Variants in POU6F2 observed in about 807,000 individuals in gnomAD.
POU6F2 encodes POU class 6 homeobox 2.
A neutral mutation model predicts 71.3 loss-of-function variants in POU6F2; 31 were observed. That is an observed-to-expected ratio of 0.43 (90% CI 0.33 to 0.59). The LOEUF is 0.59. POU6F2 is among the 20% of genes least tolerant of loss of function. The pLI, the probability that POU6F2 is intolerant of heterozygous loss-of-function variation, is 0.04. For missense variants in POU6F2, 783 were observed against 856.8 expected, an observed-to-expected ratio of 0.91 and a Z score of 1.07; for synonymous variants, 347 against 355.7, an observed-to-expected ratio of 0.98 and a Z score of 0.27.
At chr7:39,081,940 C>T (rs1201382055) in intron 1 of POU6F2, among the ~76,000 whole-genome samples, 2 of 152,322 alleles carry the variant, frequency 1.3e-5, no homozygotes, top group East Asian at 3.9e-4. Flanking sequence ...TACCACTTAG[C>T]TGCGTGCCTT....
chr7:39,387,500 T>C (rs1346845981), intron 5 of POU6F2, among the ~76,000 whole-genome samples: 1 of 152,212 alleles, frequency 6.6e-6, no homozygotes, highest in Non-Finnish European at 1.5e-5. Flanking sequence ...CTCTAACAAA[T>C]ACACTAGTTT....
intron 4 of POU6F2, among the ~76,000 whole-genome samples, chr7:39,250,138 T>C (rs1285612888): frequency 1.3e-5 from 2 of 152,146 alleles, no homozygotes; most frequent in African/African-American, 2.4e-5. Flanking sequence ...CTCTCCTGCA[T>C]TTTCACGTGT....
chr7:39,393,596 A>G (rs1207524556), intron 5 of POU6F2, among the ~76,000 whole-genome samples: 1 of 152,208 alleles, frequency 6.6e-6, no homozygotes, highest in East Asian at 1.9e-4. Context: ...TCTAAGGTTC[A>G]GCGGCAGACC....
At chr7:39,294,118 A>C (rs999076283) in intron 4 of POU6F2, among the ~76,000 whole-genome samples, 1 of 151,908 alleles carries the variant, frequency 6.6e-6, no homozygotes, top group African/African-American at 2.4e-5. Context: ...CCTGTATTCA[A>C]ACTATGAGAA....
chr7:39,450,597 T>G (rs1462872752), intron 7 of POU6F2, among the ~76,000 whole-genome samples: 1 of 152,204 alleles, frequency 6.6e-6, no homozygotes, highest in African/African-American at 2.4e-5. Context: ...CAACAGTCCT[T>G]TGATAACCTG....
rs5883670 is a variant in POU6F2, at chr7:39,000,530, G to GACACACAC, written c.105+22501_105+22508dup. 5.8e-3 allele frequency among the ~76,000 whole-genome samples: 821 copies of GACACACAC among 141,238 alleles called. 7 individuals are homozygous for GACACACAC. Among genetic ancestry groups the GACACACAC allele is most frequent in the African/African-American group, 0.021 (785 of 38,246 alleles). 92.7% of individuals were successfully genotyped at this position (141,238 alleles called of 152,430 possible). On this transcript the variant is annotated intron_variant, in intron 1 of 9. Transcript: ENST00000518318. ...TCTCCATTTTCTCAACATACCCACA[G>GACACACAC]ACACACACACACACACACACACACA...
chr7:39,042,546 G>T (rs1388303869), intron 1 of POU6F2, among the ~76,000 whole-genome samples: 1 of 152,004 alleles, frequency 6.6e-6, no homozygotes, highest in Non-Finnish European at 1.5e-5. Context: ...TTGACATGTA[G>T]CATGAACAAG....
chr7:39,043,900 C>T (rs1280706141), intron 1 of POU6F2, among the ~76,000 whole-genome samples: 1 of 151,902 alleles, frequency 6.6e-6, no homozygotes, highest in East Asian at 1.9e-4. Flanking sequence ...TCCCATAATG[C>T]TCTCTGTTGC....
chr7:39,454,935 T>C (rs1788766336), intron 8 of POU6F2, among the ~76,000 whole-genome samples: 1 of 151,404 alleles, frequency 6.6e-6, no homozygotes, highest in Non-Finnish European at 1.5e-5. Flanking sequence ...ACCTTAGTAA[T>C]GATACAAGAT....
intron 2 of POU6F2, among the ~76,000 whole-genome samples, chr7:39,094,819 G>A (rs1791422710): frequency 6.6e-6 from 1 of 151,982 alleles, no homozygotes; most frequent in Non-Finnish European, 1.5e-5. Flanking sequence ...ATTGACCCAG[G>A]GTAAAGGAGA....
intron 1 of POU6F2, among the ~76,000 whole-genome samples, chr7:39,061,484 A>G (rs1209570916): frequency 6.6e-6 from 1 of 152,192 alleles, no homozygotes; most frequent in East Asian, 1.9e-4. Context: ...CCTATTTTGC[A>G]CTTTAAATGA....
chr7:39,227,830 T>C (rs952381639), intron 4 of POU6F2, among the ~76,000 whole-genome samples: 10 of 152,178 alleles, frequency 6.6e-5, no homozygotes, highest in African/African-American at 2.4e-4. Flanking sequence ...GTGCTGGGAT[T>C]ACAGGCATGA....
rs75853150 is a variant in POU6F2, at chr7:39,415,863, G to T, written c.1113+9123G>T. Among the ~76,000 whole-genome samples the T allele has an allele frequency of 1.5e-3, 227 of 152,222 alleles. 3 individuals carry two copies. The highest frequency in any genetic ancestry group is 9.6e-3 in the Admixed American group (147 of 15,292). ...TGAGCAAATTCTCAAGACATCAAGGGTTAAGTGACTCCCTGGGATAACATC... is the reference window on the plus strand; with the variant it reads ...TGAGCAAATTCTCAAGACATCAAGGTTTAAGTGACTCCCTGGGATAACATC... On this transcript the variant is annotated intron_variant, in intron 6 of 9. Coordinates refer to ENST00000518318, the MANE Select transcript of POU6F2 (RefSeq NM_001370959.1).
intron 5 of POU6F2, among the ~76,000 whole-genome samples, chr7:39,363,042 C>T (rs1047845731): frequency 2.0e-5 from 3 of 152,130 alleles, no homozygotes; most frequent in African/African-American, 4.8e-5. Context: ...GAATAAAACA[C>T]GAACACCCGT....
At chr7:39,222,221 A>G (rs912765951) in intron 4 of POU6F2, among the ~76,000 whole-genome samples, 14 of 152,194 alleles carry the variant, frequency 9.2e-5, no homozygotes, top group African/African-American at 3.1e-4. Flanking sequence ...TAATTCCACA[A>G]AGGGTATTTG....
intron 4 of POU6F2, among the ~76,000 whole-genome samples, chr7:39,327,067 C>T (rs1785516090): frequency 1.3e-5 from 2 of 152,110 alleles, no homozygotes; most frequent in Admixed American, 6.5e-5. Flanking sequence ...ATCACGAGGT[C>T]AGGAGATTGA....
At chr7:39,353,101 G>T (rs35380149) in intron 5 of POU6F2, among the ~76,000 whole-genome samples, 25,897 of 152,274 alleles carry the variant, frequency 0.17, 2,465 homozygotes, top group Admixed American at 0.24. Context: ...CCTGCAAGGA[G>T]GCAGGTGGAC....
chr7:39,282,257 A>T (rs1180999728), intron 4 of POU6F2, among the ~76,000 whole-genome samples: 3 of 151,992 alleles, frequency 2.0e-5, no homozygotes, highest in Non-Finnish European at 4.4e-5. Flanking sequence ...CACTCTGTTG[A>T]TTATTTCCTT....
At chr7:39,232,053 C>T (rs1043264770) in intron 4 of POU6F2, among the ~76,000 whole-genome samples, 1 of 152,086 alleles carries the variant, frequency 6.6e-6, no homozygotes, top group African/African-American at 2.4e-5. Flanking sequence ...CTATAATTTT[C>T]CCTGCATTTC....
Sources: gnomAD v4.1 joint callset for allele counts (sites outside exome capture counted in the v4.1 genomes callset) on GRCh38, gnomAD v4.1.1 for gene constraint, MANE v1.5 for transcripts, NCBI Gene and HGNC (gene_info 2026-07-23, HGNC 2026-07-21) for gene names.